Variants in RSBN1L observed in about 807,000 individuals in gnomAD.
RSBN1L encodes the protein lysine-specific demethylase RSBN1L.
In RSBN1L, 30 loss-of-function variants were observed where a neutral mutation model predicts 67.7. The observed-to-expected ratio is 0.44, with a 90% CI of 0.33 to 0.60. The LOEUF is 0.60. Ranked by LOEUF, RSBN1L falls within the 20% of genes least tolerant of loss-of-function variation. The pLI is 0.02. For missense variants in RSBN1L, 992 were observed against 1,031.7 expected (o/e 0.96, Z 0.53); for synonymous variants, 433 against 387.0 (o/e 1.12, Z -1.39).
chr7:77,754,230 C>T (rs141214657), intron 3 of RSBN1L, among the ~76,000 whole-genome samples: 80 of 152,260 alleles, frequency 5.3e-4, no homozygotes, highest in African/African-American at 1.9e-3. Flanking sequence ...AATCTAGAAT[C>T]GGTTTGCCAG....
intron 1 of RSBN1L, among the ~76,000 whole-genome samples, chr7:77,728,520 C>T (rs1169627776): frequency 1.3e-5 from 2 of 152,128 alleles, no homozygotes; most frequent in African/African-American, 4.8e-5. Flanking sequence ...CCAGAAGACC[C>T]GTGGAGCTTG....
At chr7:77,765,078 G>A (rs1222234745) in intron 3 of RSBN1L, among the ~76,000 whole-genome samples, 1 of 152,182 alleles carries the variant, frequency 6.6e-6, no homozygotes, top group African/African-American at 2.4e-5. Context: ...AATGTTTTCA[G>A]AGGGTCTAAT....
rs1313138451 is a variant in RSBN1L, at chr7:77,778,563, C to CA, written c.1938dup (p.Leu647ThrfsTer15). The CA allele has an allele frequency of 6.2e-7, 1 of 1,613,262 alleles. No individual in the cohort carries two copies. On this transcript the variant is annotated frameshift_variant, in exon 8 of 8. Transcript: ENST00000334955. LOFTEE classifies it high-confidence loss of function. ...ATGGGTTGATGATGCAAAACTGAAT[C>CA]AACTGAGGAGGGAAGGCATTCGCTA...
intron 2 of RSBN1L, among the ~76,000 whole-genome samples, chr7:77,748,195 A>G (rs1411493570): frequency 1.3e-5 from 2 of 152,222 alleles, no homozygotes; most frequent in Admixed American, 1.3e-4. Flanking sequence ...CATAAAAATT[A>G]TAGAAAGGTT....
chr7:77,738,238 T>C (rs904632761), intron 2 of RSBN1L, among the ~76,000 whole-genome samples: 1 of 152,174 alleles, frequency 6.6e-6, no homozygotes, highest in Non-Finnish European at 1.5e-5. Flanking sequence ...TAACATAATG[T>C]GAATTATGTG....
intron 1 of RSBN1L, among the ~76,000 whole-genome samples, chr7:77,729,869 G>A (rs1175613384): frequency 1.3e-5 from 2 of 152,076 alleles, no homozygotes; most frequent in Admixed American, 6.6e-5. Flanking sequence ...TAGGAGGATC[G>A]CTTGAGCCTG....
intron 1 of RSBN1L, among the ~76,000 whole-genome samples, chr7:77,709,592 T>C (rs1244722828): frequency 6.6e-6 from 1 of 152,096 alleles, no homozygotes; most frequent in African/African-American, 2.4e-5. Context: ...TCCCCACCAA[T>C]AGTTACTTTT....
chr7:77,763,146 T>TG (rs2150430600), intron 3 of RSBN1L, among the ~76,000 whole-genome samples: 1 of 131,850 alleles, frequency 7.6e-6, no homozygotes, highest in South Asian at 2.5e-4. Flanking sequence ...ATATATAATT[T>TG]GACTTTTTTT....
intron 1 of RSBN1L, among the ~76,000 whole-genome samples, chr7:77,698,343 A>G (rs1049884707): frequency 2.0e-5 from 3 of 152,322 alleles, no homozygotes; most frequent in African/African-American, 7.2e-5. Flanking sequence ...ATTCCAGGTG[A>G]TTAGTATTTT....
chr7:77,699,986 G>A (rs1790793210), intron 1 of RSBN1L, among the ~76,000 whole-genome samples: 1 of 151,966 alleles, frequency 6.6e-6, no homozygotes, highest in Admixed American at 6.6e-5. Flanking sequence ...TAGTAGAGAG[G>A]GGGTTTCACC....
At chr7:77,777,281 T>C (rs772196054) in intron 6 of RSBN1L, among the ~76,000 whole-genome samples, 38 of 152,138 alleles carry the variant, frequency 2.5e-4, no homozygotes, top group Non-Finnish European at 4.4e-4. Flanking sequence ...TAAAGAGATT[T>C]CTTTAAATTT....
At chr7:77,750,275 A>G (rs1362337969) in intron 3 of RSBN1L, among the ~76,000 whole-genome samples, 1 of 142,096 alleles carries the variant, frequency 7.0e-6, no homozygotes, top group Admixed American at 7.0e-5. Context: ...AAGACAATTA[A>G]TGAAATAATT....
At chr7:77,777,354 C>G (rs1791931625) in intron 6 of RSBN1L, among the ~76,000 whole-genome samples, 1 of 151,448 alleles carries the variant, frequency 6.6e-6, no homozygotes, top group African/African-American at 2.4e-5. Flanking sequence ...TTTCATAGAT[C>G]TACATTTTCA....
chr7:77,736,572 A>C, intron 2 of RSBN1L, 46 bp downstream of exon 2: 1 of 1,082,154 alleles, frequency 9.2e-7, no homozygotes, highest in Non-Finnish European at 1.3e-6. Flanking sequence ...TATACTGTTC[A>C]GTATCTTTAT....
chr7:77,743,717 G>A (rs182610813), intron 2 of RSBN1L, among the ~76,000 whole-genome samples: 4 of 152,200 alleles, frequency 2.6e-5, no homozygotes, highest in Middle Eastern at 6.8e-3. Context: ...CAACAATTGC[G>A]TAATTTATGC....
chr7:77,719,776 T>G (rs899243183), intron 1 of RSBN1L, among the ~76,000 whole-genome samples: 2 of 152,162 alleles, frequency 1.3e-5, no homozygotes, highest in African/African-American at 4.8e-5. Context: ...TAAAAAAATT[T>G]TTTTTAGAGA....
intron 5 of RSBN1L, among the ~76,000 whole-genome samples, chr7:77,771,236 T>A (rs900482731): frequency 6.6e-6 from 1 of 152,136 alleles, no homozygotes; most frequent in African/African-American, 2.4e-5. Context: ...CCCGTCCTGA[T>A]TATAGCTTTT....
intron 3 of RSBN1L, among the ~76,000 whole-genome samples, chr7:77,762,686 CCT>C (rs1462467515): frequency 6.6e-6 from 1 of 152,066 alleles, no homozygotes; most frequent in Admixed American, 6.5e-5. Flanking sequence ...CCAATTTTTT[CCT>C]GTTACTCAAT....
chr7:77,780,734 A>G lies in RSBN1L; in HGVS notation c.*1566A>G, dbSNP rs112714119. On this transcript the variant is annotated 3_prime_UTR_variant, in exon 8 of 8. Coordinates refer to ENST00000334955, the MANE Select transcript of RSBN1L (RefSeq NM_198467.3). ...TACCCTAGCAAGGCAAACAACTTGG[A>G]GTACTTCCTTTTCGAAAGAAGTTCT... 1 of 152,226 alleles carries G rather than the reference A, an allele frequency of 6.6e-6. No homozygotes were observed. Among genetic ancestry groups the G allele is most frequent in the African/African-American group, 2.4e-5 (1 of 41,458 alleles). The allele number at this position is 152,226 out of a possible 1,614,324, so 9.4% of individuals were successfully genotyped here. A position where few individuals can be genotyped will look rare whatever the true frequency, so the allele number is the denominator to read the frequency against.
Sources: gnomAD v4.1 joint callset for allele counts (sites outside exome capture counted in the v4.1 genomes callset) on GRCh38, gnomAD v4.1.1 for gene constraint, MANE v1.5 for transcripts, NCBI Gene and HGNC (gene_info 2026-07-23, HGNC 2026-07-21) for gene names.